DCAF5: variants seen among roughly 807,000 people sequenced by gnomAD.
DCAF5 encodes the protein DDB1- and CUL4-associated factor 5.
DCAF5 carries 9 observed loss-of-function variants against 80.7 expected under a neutral mutation model. The ratio of observed to expected loss-of-function variants is 0.11; its 90% confidence interval spans 0.07 to 0.19. The LOEUF is 0.19. DCAF5 is among the 10% of genes least tolerant of loss of function. DCAF5 has a pLI of 1.00. For synonymous variants in DCAF5, 433 were observed against 461.9 expected, an observed-to-expected ratio of 0.94 and a Z score of 0.80; for missense variants, 842 against 1,205.7, an observed-to-expected ratio of 0.70 and a Z score of 4.47.
At chr14:69,086,077 C>T (rs2039308018) in intron 6 of DCAF5, among the ~76,000 whole-genome samples, 1 of 152,152 alleles carries the variant, frequency 6.6e-6, no homozygotes, top group Non-Finnish European at 1.5e-5. Context: ...TAATAGTGGG[C>T]TGGGCATTGT....
In DCAF5 at chr14:69,090,033, T is replaced by G. The variant is rs116043632; in HGVS notation, c.879+1641A>C. ...TAAACACAACCTGAAGAAAATCACCTTTCCCTCAGCCTCTGGTTTCTGGAA... is the reference window on the plus strand; with the variant it reads ...TAAACACAACCTGAAGAAAATCACCGTTCCCTCAGCCTCTGGTTTCTGGAA... On this transcript the variant is annotated intron_variant, in intron 6 of 8. Transcript: ENST00000341516. 599 of 985,460 alleles carry G rather than the reference T, an allele frequency of 6.1e-4. 5 individuals carry two copies. The African/African-American group carries it at 9.8e-3, about 16-fold the overall frequency. 61.0% of individuals were successfully genotyped at this position (985,460 alleles called of 1,614,324 possible). A position where few individuals can be genotyped will look rare whatever the true frequency, so the allele number is the denominator to read the frequency against.
At chr14:69,117,108 A>G (rs1177505331) in intron 4 of DCAF5, among the ~76,000 whole-genome samples, 4 of 152,218 alleles carry the variant, frequency 2.6e-5, no homozygotes, top group Non-Finnish European at 5.9e-5. Flanking sequence ...TTAGTTACCT[A>G]GCAGGATATA....
chr14:69,138,615 C>A (rs753044547), intron 1 of DCAF5, among the ~76,000 whole-genome samples: 1 of 152,226 alleles, frequency 6.6e-6, no homozygotes, highest in Non-Finnish European at 1.5e-5. Flanking sequence ...GGTCAGAAGA[C>A]CCAGAGTTTA....
chr14:69,068,127 G>T (rs138991642), intron 7 of DCAF5, among the ~76,000 whole-genome samples: 1 of 151,966 alleles, frequency 6.6e-6, no homozygotes, highest in East Asian at 1.9e-4. Flanking sequence ...CTTTTACATC[G>T]AGTGCATATG....
rs144780043 is a variant in DCAF5 at position 69,101,682 on chromosome 14, T to C, written c.666-9795A>G. ...AGGCAATTTTGTTGTGTAAACATTA[T>C]AGAGAGTATTCACACAAACCTAGAA... On this transcript the variant is annotated intron_variant, in intron 5 of 8. Coordinates refer to ENST00000341516, the MANE Select transcript of DCAF5 (RefSeq NM_003861.3). Among the ~76,000 whole-genome samples the C allele has an allele frequency of 3.9e-5, 6 of 152,302 alleles. No homozygotes were observed. The East Asian group carries it at 9.6e-4, about 24-fold the overall frequency.
chr14:69,153,125 C>T, upstream of DCAF5: 1 of 565,084 alleles, frequency 1.8e-6, no homozygotes, highest in Non-Finnish European at 2.8e-6. Context: ...GGTGTGCAGA[C>T]ACTCGGCGGC....
intron 5 of DCAF5, among the ~76,000 whole-genome samples, chr14:69,092,449 T>C (rs562191839): frequency 7.0e-4 from 106 of 152,210 alleles, no homozygotes; most frequent in African/African-American, 2.3e-3. Context: ...AGACTTTGTC[T>C]CTACAAAAAA....
intron 6 of DCAF5, among the ~76,000 whole-genome samples, chr14:69,086,620 T>TA (rs34555932): frequency 0.017 from 2,216 of 134,178 alleles, 55 homozygotes; most frequent in African/African-American, 0.052. Flanking sequence ...ATGGAGTTAT[T>TA]AAAAAAAAAA....
chr14:69,063,825 G>A (rs970248649), intron 7 of DCAF5, among the ~76,000 whole-genome samples: 1 of 152,118 alleles, frequency 6.6e-6, no homozygotes, highest in Non-Finnish European at 1.5e-5. Flanking sequence ...GTTCCAGACT[G>A]CACCCATCTA....
chr14:69,097,103 C>T (rs2039747832), intron 5 of DCAF5, among the ~76,000 whole-genome samples: 1 of 151,904 alleles, frequency 6.6e-6, no homozygotes, highest in African/African-American at 2.4e-5. Flanking sequence ...TAGAGGAATG[C>T]TGAAGAGGAA....
intron 5 of DCAF5, among the ~76,000 whole-genome samples, chr14:69,097,427 C>T (rs897342721): frequency 6.6e-6 from 1 of 152,096 alleles, no homozygotes; most frequent in African/African-American, 2.4e-5. Context: ...TTTTATACTG[C>T]ATCCTCGTAC....
rs527294204 is a variant in DCAF5, at chr14:69,084,211, C to T, written c.879+7463G>A. ...TTCTTAAGGAGCTAATGAGTCACCA[C>T]GTGCATACCTATGGGTTGATAATGG... On this transcript the variant is annotated intron_variant, in intron 6 of 8. Coordinates refer to ENST00000341516, the MANE Select transcript of DCAF5 (RefSeq NM_003861.3). 661 of 989,876 alleles carry T rather than the reference C, an allele frequency of 6.7e-4. 5 individuals carry two copies. Among genetic ancestry groups the T allele is most frequent in the Middle Eastern group, 3.6e-3 (12 of 3,322 alleles). 61.3% of individuals were successfully genotyped at this position (989,876 alleles called of 1,614,324 possible). A position where few individuals can be genotyped will look rare whatever the true frequency, so the allele number is the denominator to read the frequency against.
chr14:69,105,558 T>C (rs1372081919), intron 5 of DCAF5, among the ~76,000 whole-genome samples: 3 of 152,036 alleles, frequency 2.0e-5, no homozygotes, highest in Non-Finnish European at 2.9e-5. Context: ...CCGCCTTTAA[T>C]GTGGGCAGGC....
At chr14:69,133,978 G>A (rs1350718961) in intron 1 of DCAF5, among the ~76,000 whole-genome samples, 5 of 152,182 alleles carry the variant, frequency 3.3e-5, no homozygotes, top group African/African-American at 9.7e-5. Context: ...CCTAGACAAT[G>A]TCTCTAATTC....
chr14:69,092,700 T>C (rs1369115401), intron 5 of DCAF5, among the ~76,000 whole-genome samples: 2 of 152,210 alleles, frequency 1.3e-5, no homozygotes, highest in Non-Finnish European at 2.9e-5. Flanking sequence ...GAATTTTTAA[T>C]CTGTTCACAA....
intron 6 of DCAF5, chr14:69,085,197 G>A: frequency 1.4e-6 from 1 of 721,276 alleles, no homozygotes; most frequent in East Asian, 2.7e-5. Flanking sequence ...ACTTAAATTT[G>A]CCTCAAGTTG....
At chr14:69,108,415 G>A (rs959437225) in intron 5 of DCAF5, among the ~76,000 whole-genome samples, 1 of 152,122 alleles carries the variant, frequency 6.6e-6, no homozygotes, top group African/African-American at 2.4e-5. Context: ...GGTGCAAAGG[G>A]AGAAGAGACG....
At chr14:69,140,371 G>A (rs2140112160) in intron 1 of DCAF5, among the ~76,000 whole-genome samples, 1 of 152,184 alleles carries the variant, frequency 6.6e-6, no homozygotes, top group East Asian at 1.9e-4. Context: ...ACTTGAGGGG[G>A]CCAACTTTTA....
At position 69,084,853 on chromosome 14, in the gene DCAF5, T is replaced by G; in HGVS notation, c.879+6821A>C. 1.6e-5 allele frequency: 18 copies of G among 1,140,116 alleles called. No individual in the cohort carries two copies. In the South Asian group the frequency reaches 2.2e-4, roughly 14 times the overall value. The allele number at this position is 1,140,116 out of a possible 1,614,324, so 70.6% of individuals were successfully genotyped here. Reference sequence around the variant, plus strand: ...TGGCAGCAAGAGAACTGGACATTACTGAAGTCAACTGGATTGTTCAGTATG... The same window carrying G: ...TGGCAGCAAGAGAACTGGACATTACGGAAGTCAACTGGATTGTTCAGTATG... On this transcript the variant is annotated intron_variant, in intron 6 of 8. Coordinates refer to ENST00000341516, the MANE Select transcript of DCAF5 (RefSeq NM_003861.3).
Sources: allele counts gnomAD v4.1 joint callset (sites outside exome capture counted in the v4.1 genomes callset), GRCh38; gene constraint gnomAD v4.1.1; transcripts MANE v1.5; gene names NCBI Gene and HGNC (gene_info 2026-07-23, HGNC 2026-07-21).